Variants in DGUOK observed in about 807,000 individuals in gnomAD.
The protein encoded by DGUOK is deoxyguanosine kinase, mitochondrial.
DGUOK carries 30 observed loss-of-function variants against 36.6 expected under a neutral mutation model. That is an observed-to-expected ratio of 0.82 (90% CI 0.61 to 1.11). The LOEUF (loss-of-function observed/expected upper bound fraction) is 1.11. Ranked by LOEUF, DGUOK falls within the 50% of genes most tolerant of loss-of-function variation. The pLI is 0.00. For synonymous variants in DGUOK, 145 were observed against 126.3 expected (o/e 1.15, Z -0.99); for missense variants, 361 against 336.4 (o/e 1.07, Z -0.57).
Position 73,938,779 on chromosome 2 carries a change from T to C in DGUOK, c.143-131T>C, listed in dbSNP as rs572749136. 77 of 724,520 alleles carry C rather than the reference T, an allele frequency of 1.1e-4. No individual in the cohort carries two copies. The African/African-American group carries it at 1.1e-3, about 11-fold the overall frequency. 44.9% of individuals were successfully genotyped at this position (724,520 alleles called of 1,614,324 possible). On this transcript the variant is annotated intron_variant, in intron 1 of 6. Coordinates refer to ENST00000264093, the MANE Select transcript of DGUOK (RefSeq NM_080916.3). ...GTTATCAGTCTGACAATGGTACGGC[T>C]GCTGAGTTTGAAATTCAGAAAACTA...
chr2:73,946,793 C>T lies in DGUOK; in HGVS notation c.330C>T (p.Phe110=). ...AGCCAGCACGATGGTCCTACACATT[C>T]CAGACATTTTCCTTTTTGAGCCGCC... The part of the protein sequence containing the change: ...YREPARWSYT[F]QTFSFLSRLK... The change falls in exon 3 of 7, where the codon TTC becomes TTT. Residue 110 remains phenylalanine (F), a synonymous_variant. Transcript: ENST00000264093. 3 of 1,614,070 alleles carry T rather than the reference C, an allele frequency of 1.9e-6. No individual in the cohort carries two copies. The highest frequency in any genetic ancestry group is 2.5e-6 in the Non-Finnish European group (3 of 1,180,028).
chr2:73,948,751 C>A (rs1328883349), intron 3 of DGUOK, among the ~76,000 whole-genome samples: 2 of 152,186 alleles, frequency 1.3e-5, no homozygotes, highest in African/African-American at 4.8e-5. Flanking sequence ...GAGGCCCTGA[C>A]TCCTAGATCC....
chr2:73,947,406 C>T (rs2104947392), intron 3 of DGUOK, among the ~76,000 whole-genome samples: 1 of 152,128 alleles, frequency 6.6e-6, no homozygotes, highest in Admixed American at 6.5e-5. Flanking sequence ...AGAAATAGCA[C>T]ATCTGAGAAA....
intron 4 of DGUOK, among the ~76,000 whole-genome samples, chr2:73,953,268 G>A (rs982587097): frequency 1.2e-5 from 1 of 83,236 alleles, no homozygotes; most frequent in Admixed American, 1.1e-4. Context: ...TGGTGATGAT[G>A]ATGATGATGA....
chr2:73,941,065 C>G (rs1429068466), intron 2 of DGUOK, among the ~76,000 whole-genome samples: 4 of 152,116 alleles, frequency 2.6e-5, no homozygotes, highest in Non-Finnish European at 5.9e-5. Flanking sequence ...TAAGAAATAC[C>G]TTTCTAGGGT....
intron 1 of DGUOK, among the ~76,000 whole-genome samples, chr2:73,933,934 A>T (rs536412161): frequency 5.5e-4 from 84 of 152,334 alleles, no homozygotes; most frequent in Non-Finnish European, 1.1e-3. Flanking sequence ...AGGACTTTTT[A>T]AAAAAGACAT....
At chr2:73,957,787 T>C (rs538391968) in intron 5 of DGUOK, among the ~76,000 whole-genome samples, 18 of 152,212 alleles carry the variant, frequency 1.2e-4, no homozygotes, top group Non-Finnish European at 2.2e-4. Context: ...TTGTGATTGA[T>C]GGTGATAGTT....
chr2:73,956,254 T>G (rs1019055252), intron 4 of DGUOK, among the ~76,000 whole-genome samples: 4 of 152,222 alleles, frequency 2.6e-5, no homozygotes, highest in African/African-American at 9.6e-5. Flanking sequence ...AAGCCTCACT[T>G]GTTTTTCCAC....
At chr2:73,958,092 G>C in intron 5 of DGUOK, 54 bp from the exon 6 acceptor site, 11 of 1,437,092 alleles carry the variant, frequency 7.7e-6, no homozygotes, top group South Asian at 1.2e-5. Context: ...TGTGAAACTT[G>C]ACTCAAGTTA....
chr2:73,929,893 G>C (rs1558640688), intron 1 of DGUOK, among the ~76,000 whole-genome samples: 6 of 152,206 alleles, frequency 3.9e-5, no homozygotes, highest in Admixed American at 3.3e-4. Flanking sequence ...GCTGAAATTA[G>C]AAGAGGGTGT....
chr2:73,938,846 G>A (rs1681678078), intron 1 of DGUOK, 64 bp from the exon 2 acceptor site: 14 of 1,122,838 alleles, frequency 1.2e-5, no homozygotes, highest in South Asian at 1.2e-4. Flanking sequence ...GCAGAGTTTA[G>A]TAGCAGCCTT....
chr2:73,955,291 A>G (rs952716498), intron 4 of DGUOK, among the ~76,000 whole-genome samples: 8 of 152,060 alleles, frequency 5.3e-5, no homozygotes, highest in African/African-American at 1.7e-4. Context: ...AACAGACAAC[A>G]TTTTTTTTCT....
intron 1 of DGUOK, 66 bp downstream of exon 1, chr2:73,927,118 G>A: frequency 6.3e-7 from 1 of 1,597,178 alleles, no homozygotes. Flanking sequence ...GCTGGGAAAG[G>A]AGCTGGGCCC....
chr2:73,927,724 G>C lies in DGUOK; in HGVS notation c.142+672G>C, dbSNP rs933744099. Reference sequence around the variant, plus strand: ...TAAATTAAAAATTATTTTGTTAAAAGAGTGAGATCCAGTATCTTGAATAAA... The same window carrying C: ...TAAATTAAAAATTATTTTGTTAAAACAGTGAGATCCAGTATCTTGAATAAA... On this transcript the variant is annotated intron_variant, in intron 1 of 6. Coordinates refer to ENST00000264093, the MANE Select transcript of DGUOK (RefSeq NM_080916.3). Among the ~76,000 whole-genome samples, 11 of 152,210 alleles carry C rather than the reference G, an allele frequency of 7.2e-5. 1 individual carries two copies. Among genetic ancestry groups the C allele is most frequent in the Admixed American group, 4.6e-4 (7 of 15,288 alleles).
At chr2:73,958,311 T>G in intron 6 of DGUOK, 66 bp downstream of exon 6, 8 of 1,300,044 alleles carry the variant, frequency 6.2e-6, no homozygotes, top group African/African-American at 1.4e-5. Flanking sequence ...TTTCTGGCCT[T>G]TGCTTCAAAG....
At chr2:73,941,993 C>T (rs1681940216) in intron 2 of DGUOK, among the ~76,000 whole-genome samples, 1 of 151,404 alleles carries the variant, frequency 6.6e-6, no homozygotes. Context: ...AGTGCAACCT[C>T]TGCCTTCCGA....
intron 3 of DGUOK, among the ~76,000 whole-genome samples, chr2:73,948,178 A>G (rs1682470084): frequency 6.6e-6 from 1 of 152,140 alleles, no homozygotes; most frequent in Non-Finnish European, 1.5e-5. Context: ...TTCTCTCCCA[A>G]GCCATGCCTC....
chr2:73,956,891 A>G (rs1683139670), intron 4 of DGUOK, among the ~76,000 whole-genome samples: 1 of 152,234 alleles, frequency 6.6e-6, no homozygotes, highest in Admixed American at 6.5e-5. Context: ...TGGATGGATG[A>G]TGTTCATCAT....
chr2:73,944,320 C>T (rs1682129040), intron 2 of DGUOK, among the ~76,000 whole-genome samples: 1 of 152,180 alleles, frequency 6.6e-6, no homozygotes, highest in East Asian at 1.9e-4. Flanking sequence ...ATACCTAGCC[C>T]TTAAACTGAT....
Sources: gnomAD v4.1 joint callset for allele counts (sites outside exome capture counted in the v4.1 genomes callset) on GRCh38, gnomAD v4.1.1 for gene constraint, MANE v1.5 for transcripts, NCBI Gene and HGNC (gene_info 2026-07-23, HGNC 2026-07-21) for gene names.